The following REPS2 variants were observed in gnomAD, a reference collection of about 807,000 sequenced individuals.
REPS2 encodes RALBP1 associated Eps domain containing 2, also known as ralBP1-associated Eps domain-containing protein 2.
Under a neutral mutation model 53.6 loss-of-function variants are expected in REPS2, and 23 were observed. That is an observed-to-expected ratio of 0.43 (90% CI 0.31 to 0.61). The LOEUF is 0.61. Ranked by LOEUF, REPS2 falls within the 20% of genes least tolerant of loss-of-function variation. The pLI is 0.11. For missense variants in REPS2, 446 were observed against 534.9 expected, an observed-to-expected ratio of 0.83 and a Z score of 1.64; for synonymous variants, 238 against 218.6, an observed-to-expected ratio of 1.09 and a Z score of -0.78.
At chrX:17,020,431 A>G (rs1368933526) in intron 2 of REPS2, among the ~76,000 whole-genome samples, 1 of 111,556 alleles carries the variant, frequency 9.0e-6, no homozygotes, top group Non-Finnish European at 1.9e-5. Context: ...CCTGAGACCA[A>G]AACCATAGAG....
At chrX:17,161,205 G>A in the REPS2 span, among the ~76,000 whole-genome samples, 2 of 111,294 alleles carry the variant, frequency 1.8e-5, no homozygotes, top group Non-Finnish European at 3.8e-5. Flanking sequence ...GCAGAATTTT[G>A]GCTGTCATGA....
chrX:17,016,712 C>G (rs959779301), intron 2 of REPS2, among the ~76,000 whole-genome samples: 22 of 105,198 alleles, frequency 2.1e-4, no homozygotes, highest in Non-Finnish European at 4.3e-4. Context: ...CCTGGCCTGA[C>G]ATTTGAATTT....
chrX:17,180,958 A>G, the REPS2 span, among the ~76,000 whole-genome samples: 2 of 111,921 alleles, frequency 1.8e-5, no homozygotes, highest in East Asian at 2.8e-4. Context: ...GCACCCTCAA[A>G]TTCACTTTCT....
chrX:17,175,946 T>G, the REPS2 span, among the ~76,000 whole-genome samples: 1 of 112,213 alleles, frequency 8.9e-6, no homozygotes, highest in Non-Finnish European at 1.9e-5. Context: ...ACACCTTACT[T>G]CTGTCCACAT....
chrX:17,174,555 G>A, the REPS2 span, among the ~76,000 whole-genome samples: 1 of 112,267 alleles, frequency 8.9e-6, no homozygotes, highest in African/African-American at 3.2e-5. Context: ...GCATACAGCT[G>A]AGGAAGCAAC....
chrX:17,079,269 A>G (rs1400679062), intron 13 of REPS2, among the ~76,000 whole-genome samples: 1 of 111,713 alleles, frequency 9.0e-6, no homozygotes, highest in Admixed American at 9.5e-5. Context: ...GTGGCCTGCA[A>G]GTATCAAGAA....
At chrX:16,965,848 C>T (rs1335459434) in intron 1 of REPS2, among the ~76,000 whole-genome samples, 1 of 112,996 alleles carries the variant, frequency 8.8e-6, no homozygotes, top group Non-Finnish European at 1.9e-5. Context: ...GAGACTCCGT[C>T]TGCAATCCCG....
intron 1 of REPS2, among the ~76,000 whole-genome samples, chrX:16,990,163 C>T (rs1006000257): frequency 1.8e-5 from 2 of 111,535 alleles, no homozygotes; most frequent in African/African-American, 6.5e-5. Flanking sequence ...AGAATTATGC[C>T]GAGTGAGAAA....
At chrX:17,143,149 CAG>C (rs1345149167) in intron 17 of REPS2, among the ~76,000 whole-genome samples, 1 of 111,515 alleles carries the variant, frequency 9.0e-6, no homozygotes, top group South Asian at 3.8e-4. Context: ...CAGTGGCTAT[CAG>C]GGGTTATGCA....
At chrX:17,175,075 T>C in the REPS2 span, among the ~76,000 whole-genome samples, 2 of 112,740 alleles carry the variant, frequency 1.8e-5, no homozygotes, top group Non-Finnish European at 3.7e-5. Flanking sequence ...ATGAAAGCCT[T>C]GGTCAAGTGG....
rs1333262642 is a variant in REPS2, at chrX:16,946,894, A to G, written c.33A>G (p.Ala11=). The G allele has an allele frequency of 4.1e-5, 31 of 764,430 alleles. No individual in the cohort carries two copies. The highest frequency in any genetic ancestry group is 2.2e-4 in the African/African-American group (9 of 40,097). 63.0% of individuals were successfully genotyped at this position (764,430 alleles called of 1,213,427 possible). A position where few individuals can be genotyped will look rare whatever the true frequency, so the allele number is the denominator to read the frequency against. Residue 11 remains alanine (A), a synonymous_variant, in exon 1 of 18, where the codon GCA becomes GCG. Coordinates refer to ENST00000357277, the MANE Select transcript of REPS2 (RefSeq NM_004726.3). ...CGGCAGCGGCGGCGGCGGCGGCGGCAGCGGCAGCGGCAGCGGCGGGCGGGG... is the reference window on the plus strand; with the variant it reads ...CGGCAGCGGCGGCGGCGGCGGCGGCGGCGGCAGCGGCAGCGGCGGGCGGGG... The part of the protein sequence containing the change: MEAAAAAAAA[A]AAAAAAGGGC...
intron 5 of REPS2, among the ~76,000 whole-genome samples, chrX:17,036,910 G>A (rs1026991120): frequency 1.8e-5 from 2 of 110,009 alleles, no homozygotes; most frequent in African/African-American, 3.3e-5. Context: ...GTATGTATGT[G>A]CCTTATTCTT....
rs754715104 is a variant in REPS2 at position 17,015,605 on chromosome X, C to T, written c.398-6518C>T. On this transcript the variant is annotated intron_variant, in intron 2 of 17. Coordinates refer to ENST00000357277, the MANE Select transcript of REPS2 (RefSeq NM_004726.3). Reference sequence around the variant, plus strand: ...GTCCCCGGTGTGTGATGTTCCCCTTCCTGTGTCCATGTGTTCTCATTGTTC... The same window carrying T: ...GTCCCCGGTGTGTGATGTTCCCCTTTCTGTGTCCATGTGTTCTCATTGTTC... Among the ~76,000 whole-genome samples, 512 of 106,997 alleles carry T rather than the reference C, an allele frequency of 4.8e-3. 5 individuals carry two copies. Among genetic ancestry groups the T allele is most frequent in the African/African-American group, 0.016 (468 of 29,339 alleles). 92.9% of individuals were successfully genotyped at this position (106,997 alleles called of 115,157 possible). A position where few individuals can be genotyped will look rare whatever the true frequency, so the allele number is the denominator to read the frequency against.
At chrX:17,020,249 A>G (rs188165345) in intron 2 of REPS2, among the ~76,000 whole-genome samples, 38 of 112,577 alleles carry the variant, frequency 3.4e-4, no homozygotes, top group Non-Finnish European at 5.8e-4. Flanking sequence ...GTTGAATGCC[A>G]GTAAGGCACT....
At chrX:17,153,700 T>C (rs904308036), downstream of REPS2, among the ~76,000 whole-genome samples, 4 of 111,541 alleles carry the variant, frequency 3.6e-5, no homozygotes, top group Non-Finnish European at 7.5e-5. Flanking sequence ...CTTTAAAATT[T>C]GAATAATTTG....
At chrX:17,162,331 T>G in the REPS2 span, among the ~76,000 whole-genome samples, 1 of 112,547 alleles carries the variant, frequency 8.9e-6, no homozygotes, top group Non-Finnish European at 1.9e-5. Flanking sequence ...CCTGAGGCAG[T>G]GGTAAAAGTT....
At chrX:17,036,364 C>T (rs2061765384) in intron 5 of REPS2, among the ~76,000 whole-genome samples, 1 of 112,414 alleles carries the variant, frequency 8.9e-6, no homozygotes, top group Non-Finnish European at 1.9e-5. Flanking sequence ...TTATGAGTCA[C>T]TTGTATTTCC....
chrX:17,157,698 C>T (rs138781131), downstream of REPS2, among the ~76,000 whole-genome samples: 2 of 112,271 alleles, frequency 1.8e-5, no homozygotes, highest in Non-Finnish European at 3.8e-5. Flanking sequence ...GAAACTGTTA[C>T]AGAAGAGCCC....
rs895886942 is a variant in REPS2, at chrX:16,978,966, C to T, written c.274-27255C>T. On this transcript the variant is annotated intron_variant, in intron 1 of 17. Transcript: ENST00000357277. Reference sequence around the variant, plus strand: ...AGGCAAGAAACCAAGTGGCTCCTAGCTTCTAACACCTTATTTTCTATGGTG... The same window carrying T: ...AGGCAAGAAACCAAGTGGCTCCTAGTTTCTAACACCTTATTTTCTATGGTG... Among the ~76,000 whole-genome samples, 6 of 111,780 alleles carry T rather than the reference C, an allele frequency of 5.4e-5. No individual in the cohort carries two copies. In the Admixed American group the frequency reaches 5.7e-4, roughly 11 times the overall value.
Sources: allele counts gnomAD v4.1 joint callset (sites outside exome capture counted in the v4.1 genomes callset), GRCh38; gene constraint gnomAD v4.1.1; transcripts MANE v1.5; gene names NCBI Gene and HGNC (gene_info 2026-07-23, HGNC 2026-07-21).